JAZF1: variants seen among roughly 807,000 people sequenced by gnomAD.
JAZF1 encodes juxtaposed with another zinc finger protein 1.
JAZF1 carries 8 observed loss-of-function variants against 26.4 expected under a neutral mutation model. That is an observed-to-expected ratio of 0.30 (90% CI 0.18 to 0.55). The LOEUF is 0.55. Ranked by LOEUF, JAZF1 falls within the 20% of genes least tolerant of loss-of-function variation. The pLI is 0.94. For synonymous variants in JAZF1, 126 were observed against 122.3 expected, an observed-to-expected ratio of 1.03 and a Z score of -0.20; for missense variants, 199 against 322.0, an observed-to-expected ratio of 0.62 and a Z score of 2.92.
chr7:28,039,180 T>C (rs1783347154), intron 1 of JAZF1, among the ~76,000 whole-genome samples: 1 of 152,202 alleles, frequency 6.6e-6, no homozygotes, highest in Non-Finnish European at 1.5e-5. Context: ...CCCTCCTTGG[T>C]GCAGGGCTCC....
At chr7:27,987,118 C>T (rs1436373589) in intron 2 of JAZF1, among the ~76,000 whole-genome samples, 2 of 151,524 alleles carry the variant, frequency 1.3e-5, no homozygotes, top group African/African-American at 2.4e-5. Context: ...GGCCACCCAT[C>T]GTCTGGGATG....
chr7:28,072,108 T>G (rs1783987266), intron 1 of JAZF1, among the ~76,000 whole-genome samples: 1 of 152,234 alleles, frequency 6.6e-6, no homozygotes, highest in Non-Finnish European at 1.5e-5. Flanking sequence ...CTGTATATAT[T>G]GCTTGCATAA....
intron 1 of JAZF1, among the ~76,000 whole-genome samples, chr7:28,110,518 A>G (rs1261382613): frequency 2.9e-4 from 23 of 79,166 alleles, no homozygotes; most frequent in East Asian, 2.5e-3. Flanking sequence ...GGAAAGGAAA[A>G]GGAAAAGGAA....
intron 1 of JAZF1, among the ~76,000 whole-genome samples, chr7:28,051,111 G>T (rs189293737): frequency 8.3e-6 from 1 of 120,150 alleles, no homozygotes; most frequent in South Asian, 2.7e-4. Flanking sequence ...CAGCCCAGGC[G>T]ATAGTGCAAG....
At chr7:28,150,244 G>A (rs901084098) in intron 1 of JAZF1, among the ~76,000 whole-genome samples, 2 of 152,180 alleles carry the variant, frequency 1.3e-5, no homozygotes, top group African/African-American at 4.8e-5. Flanking sequence ...GGGCATTCAA[G>A]GAAGTAGAAA....
intron 2 of JAZF1, among the ~76,000 whole-genome samples, chr7:27,975,457 T>C (rs559135381): frequency 6.6e-6 from 1 of 152,246 alleles, no homozygotes; most frequent in East Asian, 1.9e-4. Context: ...CTATATCACA[T>C]GTCAAGGAAG....
intron 3 of JAZF1, among the ~76,000 whole-genome samples, chr7:27,883,872 T>C (rs1268291744): frequency 2.0e-5 from 3 of 152,218 alleles, no homozygotes; most frequent in Non-Finnish European, 1.5e-5. Context: ...TATTTGTCCA[T>C]GTTACTGCTT....
chr7:28,065,824 T>C (rs972284029), intron 1 of JAZF1, among the ~76,000 whole-genome samples: 1 of 152,152 alleles, frequency 6.6e-6, no homozygotes, highest in African/African-American at 2.4e-5. Flanking sequence ...ACGTTTTATT[T>C]GTGTGTTAGC....
Position 27,840,375 on chromosome 7 carries a change from T to C in JAZF1, c.555+323A>G, listed in dbSNP as rs1782899416. Among the ~76,000 whole-genome samples, 1 of 152,264 alleles carries C rather than the reference T, an allele frequency of 6.6e-6. No individual in the cohort carries two copies. The highest frequency in any genetic ancestry group is 2.4e-5 in the African/African-American group (1 of 41,480). ...ATAAAGTAGGTTGACATATTTGATA[T>C]TCTGTTCTGATGGGTCCCCCAATAT... On this transcript the variant is annotated intron_variant, in intron 4 of 4. Coordinates refer to ENST00000283928, the MANE Select transcript of JAZF1 (RefSeq NM_175061.4). The surrounding 1 kb of genome is among the most constrained non-coding windows in gnomAD (Gnocchi z 5.1).
chr7:27,892,766 G>A (rs1157547590), intron 3 of JAZF1, among the ~76,000 whole-genome samples: 6 of 152,162 alleles, frequency 3.9e-5, no homozygotes, highest in African/African-American at 1.4e-4. Flanking sequence ...ATGGACAAAT[G>A]CCTAACACAA....
chr7:28,148,534 T>C (rs1783061745), intron 1 of JAZF1, among the ~76,000 whole-genome samples: 1 of 152,208 alleles, frequency 6.6e-6, no homozygotes, highest in Non-Finnish European at 1.5e-5. Context: ...TCTTTAAGCA[T>C]ACGGTTTAGT....
intron 1 of JAZF1, among the ~76,000 whole-genome samples, chr7:28,036,745 C>A (rs1783301085): frequency 6.6e-6 from 1 of 152,196 alleles, no homozygotes; most frequent in Admixed American, 6.5e-5. Context: ...CTAGAGGTTC[C>A]TAACCCTGCC....
At chr7:27,882,856 T>C (rs1031235833) in intron 3 of JAZF1, among the ~76,000 whole-genome samples, 3 of 152,082 alleles carry the variant, frequency 2.0e-5, no homozygotes, top group African/African-American at 4.8e-5. Context: ...GGAGAAAAGG[T>C]GTCTTTGGAA....
chr7:27,979,405 T>TCC (rs1368873651), intron 2 of JAZF1, among the ~76,000 whole-genome samples: 25 of 84,246 alleles, frequency 3.0e-4, no homozygotes, highest in African/African-American at 1.1e-3. Context: ...TTTTTTTTTT[T>TCC]AGAAACAGAG....
chr7:28,112,227 C>G (rs1469919634), intron 1 of JAZF1, among the ~76,000 whole-genome samples: 1 of 152,134 alleles, frequency 6.6e-6, no homozygotes, highest in Non-Finnish European at 1.5e-5. Flanking sequence ...CGGAAAGAAA[C>G]CAAAAGTTAG....
chr7:27,843,712 G>A (rs58979783), intron 3 of JAZF1: 11,959 of 152,264 alleles, frequency 0.079, 563 homozygotes, highest in African/African-American at 0.13. Context: ...AGGAGGGAGC[G>A]CAGCTGGGGC....
chr7:28,074,871 G>A (rs1784027494), intron 1 of JAZF1, among the ~76,000 whole-genome samples: 1 of 152,104 alleles, frequency 6.6e-6, no homozygotes, highest in Admixed American at 6.5e-5. Context: ...CATGAGCACA[G>A]AATGAGACTT....
intron 1 of JAZF1, among the ~76,000 whole-genome samples, chr7:28,087,534 A>G (rs1784229922): frequency 6.6e-6 from 1 of 152,232 alleles, no homozygotes; most frequent in African/African-American, 2.4e-5. Context: ...TCAGAAAATA[A>G]CGTCATTCAG....
chr7:27,934,053 G>A (rs1005718325), intron 2 of JAZF1, among the ~76,000 whole-genome samples: 13 of 152,170 alleles, frequency 8.5e-5, no homozygotes, highest in African/African-American at 3.1e-4. Flanking sequence ...TTAGCCGCAT[G>A]GAAATTGAAA....
Sources: allele counts gnomAD v4.1 joint callset (sites outside exome capture counted in the v4.1 genomes callset), GRCh38; gene constraint gnomAD v4.1.1; non-coding constraint Gnocchi (gnomAD v3.1); transcripts MANE v1.5; gene names NCBI Gene and HGNC (gene_info 2026-07-23, HGNC 2026-07-21).